Variants in SPTLC2 observed in about 807,000 individuals in gnomAD.
SPTLC2 encodes serine palmitoyltransferase long chain base subunit 2, also known as serine palmitoyltransferase 2.
A neutral mutation model predicts 62.0 loss-of-function variants in SPTLC2; 21 were observed. The ratio of observed to expected loss-of-function variants is 0.34; its 90% CI spans 0.24 to 0.49. SPTLC2 has a LOEUF of 0.49. Ranked by LOEUF, SPTLC2 falls within the 20% of genes least tolerant of loss-of-function variation. SPTLC2 has a pLI of 0.99. For synonymous variants in SPTLC2, 261 were observed against 261.8 expected, an observed-to-expected ratio of 1.00 and a Z score of 0.03; for missense variants, 511 against 713.0, an observed-to-expected ratio of 0.72 and a Z score of 3.23.
intron 2 of SPTLC2, among the ~76,000 whole-genome samples, chr14:77,593,531 G>A (rs1254329835): frequency 2.6e-5 from 4 of 152,064 alleles, no homozygotes; most frequent in African/African-American, 4.8e-5. Flanking sequence ...AAAACACCAC[G>A]AATAACAGAG....
Position 77,558,051 on chromosome 14 carries a change from C to CT in SPTLC2, c.851-906dup, listed in dbSNP as rs34550215. Reference sequence around the variant, plus strand: ...GGTGGGAGACATCCTATCATAAAATCTTTTTTTTTTTTTTGAGATGGAGTC... The same window carrying CT: ...GGTGGGAGACATCCTATCATAAAATCTTTTTTTTTTTTTTTGAGATGGAGTC... On this transcript the variant is annotated intron_variant, in intron 6 of 11. Coordinates refer to ENST00000216484, the MANE Select transcript of SPTLC2 (RefSeq NM_004863.4). Among the ~76,000 whole-genome samples the CT allele has an allele frequency of 1.2e-3, 172 of 144,818 alleles. 1 individual carries two copies. Among genetic ancestry groups the CT allele is most frequent in the South Asian group, 2.9e-3 (13 of 4,550 alleles).
rs1010032870 is a variant in SPTLC2 at position 77,607,423 on chromosome 14, A to G, written c.132+9025T>C. On this transcript the variant is annotated intron_variant, in intron 1 of 11. Coordinates refer to ENST00000216484, the MANE Select transcript of SPTLC2 (RefSeq NM_004863.4). ...AAAGTAATTACTTTCAATGTCAAAA[A>G]CCGCAATTACTTTTCCACCAATCAA... 6.6e-5 allele frequency among the ~76,000 whole-genome samples: 10 copies of G among 152,268 alleles called. No homozygotes were observed. In the East Asian group the frequency reaches 1.7e-3, roughly 26 times the overall value.
intron 1 of SPTLC2, among the ~76,000 whole-genome samples, chr14:77,605,299 C>A (rs2079899464): frequency 6.6e-6 from 1 of 152,088 alleles, no homozygotes; most frequent in African/African-American, 2.4e-5. Context: ...GCATAAGCCA[C>A]CATGCCTGGC....
intron 9 of SPTLC2, among the ~76,000 whole-genome samples, chr14:77,531,440 T>TCTTCTCCTC (rs2079438124): frequency 7.3e-6 from 1 of 136,394 alleles, no homozygotes; most frequent in African/African-American, 3.1e-5. Flanking sequence ...TTCTTCTTCT[T>TCTTCTCCTC]CTTCTCCTCC....
intron 11 of SPTLC2, among the ~76,000 whole-genome samples, chr14:77,516,926 A>AC (rs2079362162): frequency 6.6e-6 from 1 of 152,264 alleles, no homozygotes. Context: ...ATTAACTTTT[A>AC]TAAAGAAGCA....
intron 9 of SPTLC2, among the ~76,000 whole-genome samples, chr14:77,544,252 C>T (rs1025491921): frequency 1.3e-5 from 2 of 152,120 alleles, no homozygotes; most frequent in Non-Finnish European, 2.9e-5. Flanking sequence ...TCAAGTGATC[C>T]TCCAGCTTCA....
chr14:77,583,869 G>C (rs2079767030), intron 2 of SPTLC2, among the ~76,000 whole-genome samples: 1 of 152,156 alleles, frequency 6.6e-6, no homozygotes, highest in Non-Finnish European at 1.5e-5. Flanking sequence ...CAATGGTAAA[G>C]TCAAGTCCAA....
chr14:77,569,696 G>A (rs1594995844), intron 5 of SPTLC2, among the ~76,000 whole-genome samples: 1 of 148,982 alleles, frequency 6.7e-6, no homozygotes, highest in East Asian at 2.0e-4. Context: ...CCAATCTGCT[G>A]AAATATAATT....
intron 4 of SPTLC2, among the ~76,000 whole-genome samples, chr14:77,572,790 G>A (rs1383200813): frequency 6.6e-6 from 1 of 152,108 alleles, no homozygotes; most frequent in Non-Finnish European, 1.5e-5. Flanking sequence ...CTTTCCTTAA[G>A]CTTCATGAAT....
intron 9 of SPTLC2, among the ~76,000 whole-genome samples, chr14:77,541,015 T>TTTTATTTATTTA (rs34700249): frequency 7.2e-4 from 107 of 148,098 alleles, no homozygotes; most frequent in South Asian, 1.7e-3. Context: ...TTGCAAAACA[T>TTTTATTTATTTA]TTTATTTATT....
chr14:77,553,527 C>T (rs1422910293), intron 8 of SPTLC2, among the ~76,000 whole-genome samples: 1 of 151,824 alleles, frequency 6.6e-6, no homozygotes, highest in Non-Finnish European at 1.5e-5. Flanking sequence ...GTCAAGAGAT[C>T]GAGACCATCC....
intron 7 of SPTLC2, among the ~76,000 whole-genome samples, chr14:77,556,595 G>A (rs542081450): frequency 8.5e-5 from 13 of 152,152 alleles, no homozygotes; most frequent in African/African-American, 2.7e-4. Context: ...GTCTCACTAT[G>A]TTGCCCAAGC....
intron 2 of SPTLC2, among the ~76,000 whole-genome samples, chr14:77,596,016 G>A (rs2079844983): frequency 6.6e-6 from 1 of 152,068 alleles, no homozygotes; most frequent in African/African-American, 2.4e-5. Context: ...CTCCAGAAGT[G>A]AGCTTCAAGT....
intron 9 of SPTLC2, among the ~76,000 whole-genome samples, chr14:77,534,840 C>T (rs1326868785): frequency 8.5e-5 from 13 of 152,154 alleles, no homozygotes; most frequent in Non-Finnish European, 1.9e-4. Context: ...CTTTATGCAG[C>T]TTACATTCCA....
chr14:77,588,767 G>A (rs968723810), intron 2 of SPTLC2, among the ~76,000 whole-genome samples: 1 of 151,442 alleles, frequency 6.6e-6, no homozygotes, highest in Non-Finnish European at 1.5e-5. Flanking sequence ...TTAGGAGGCT[G>A]AGGCAGGCGG....
At chr14:77,604,866 CAAAAA>C (rs35580409) in intron 1 of SPTLC2, among the ~76,000 whole-genome samples, 2 of 94,186 alleles carry the variant, frequency 2.1e-5, no homozygotes, top group South Asian at 3.6e-4. Context: ...GACTCTTTCT[CAAAAA>C]AAAAAAAAAA....
chr14:77,534,176 TCTCACACACACA>T lies in SPTLC2; in HGVS notation c.1304-12607_1304-12596del, dbSNP rs1217926983. 2.4e-3 allele frequency among the ~76,000 whole-genome samples: 267 copies of T among 110,598 alleles called. 1 individual carries two copies. Among genetic ancestry groups the T allele is most frequent in the Non-Finnish European group, 3.6e-3 (194 of 53,750 alleles). The allele number at this position is 110,598 out of a possible 152,430, so 72.6% of individuals were successfully genotyped here. On this transcript the variant is annotated intron_variant, in intron 9 of 11. Transcript: ENST00000216484. ...CTGTCTCTCTCTCTTTCTCTCTCTCTCTCACACACACACACACACACACACACACACACACAC... is the reference window on the plus strand; with the variant it reads ...CTGTCTCTCTCTCTTTCTCTCTCTCTCACACACACACACACACACACACAC...
rs73319082 is a variant in SPTLC2, at chr14:77,513,345, T to G, written c.1570-942A>C. On this transcript the variant is annotated intron_variant, in intron 11 of 11. Transcript: ENST00000216484. The stretch of plus-strand genomic sequence containing the variant: ...AAACTTCATTTTTTTAAAAAATCAG[T>G]GTTTGGAGAGAGAAAACCACCAGTA... Among the ~76,000 whole-genome samples, 246 of 152,222 alleles carry G rather than the reference T, an allele frequency of 1.6e-3. 1 individual carries two copies. The highest frequency in any genetic ancestry group is 5.5e-3 in the African/African-American group (230 of 41,534).
chr14:77,606,223 G>A (rs1195017112), intron 1 of SPTLC2, among the ~76,000 whole-genome samples: 1 of 152,172 alleles, frequency 6.6e-6, no homozygotes, highest in East Asian at 1.9e-4. Context: ...CCAGCTACTG[G>A]GGAGGCTGAG....
Sources: gnomAD v4.1 joint callset for allele counts (sites outside exome capture counted in the v4.1 genomes callset) on GRCh38, gnomAD v4.1.1 for gene constraint, MANE v1.5 for transcripts, NCBI Gene and HGNC (gene_info 2026-07-23, HGNC 2026-07-21) for gene names.